CNTLN: variants seen among roughly 807,000 people sequenced by gnomAD.
The protein encoded by CNTLN is centlein, also known as centlein, centrosomal protein.
A neutral mutation model predicts 180.0 loss-of-function variants in CNTLN; 212 were observed. The ratio of observed to expected loss-of-function variants is 1.18; its 90% confidence interval spans 1.05 to 1.32. The LOEUF (loss-of-function observed/expected upper bound fraction) is 1.32, where lower values mean the gene tolerates loss of function less well. CNTLN is among the 40% of genes most tolerant of loss of function. The probability of loss-of-function intolerance (pLI) is 0.00; values close to 1 mark genes in which losing one functional copy is unlikely to be tolerated. For synonymous variants in CNTLN, 722 were observed against 563.1 expected (o/e 1.28, Z -3.99); for missense variants, 2,095 against 1,610.9 (o/e 1.30, Z -5.14).
chr9:17,519,470 G>A, the CNTLN span, among the ~76,000 whole-genome samples: 7 of 152,202 alleles, frequency 4.6e-5, no homozygotes, highest in East Asian at 1.2e-3. Context: ...CTCACTTACT[G>A]TATATTAAAT....
intron 6 of CNTLN, among the ~76,000 whole-genome samples, chr9:17,296,741 T>G (rs1445722350): frequency 1.3e-5 from 2 of 152,200 alleles, no homozygotes; most frequent in African/African-American, 2.4e-5. Context: ...CGTTTTTGAC[T>G]GCTATTTTCT....
chr9:17,459,069 T>G (rs1247965985), intron 19 of CNTLN, among the ~76,000 whole-genome samples: 2 of 151,858 alleles, frequency 1.3e-5, no homozygotes, highest in Non-Finnish European at 2.9e-5. Context: ...TATAACTTTG[T>G]TTTTCACCAA....
chr9:17,251,666 A>T (rs1281182974), intron 5 of CNTLN, among the ~76,000 whole-genome samples: 1 of 151,782 alleles, frequency 6.6e-6, no homozygotes, highest in Non-Finnish European at 1.5e-5. Context: ...TGTTACATGC[A>T]TATAATTTGT....
intron 2 of CNTLN, among the ~76,000 whole-genome samples, chr9:17,155,951 C>CT (rs1314059127): frequency 6.6e-6 from 1 of 152,140 alleles, no homozygotes; most frequent in Non-Finnish European, 1.5e-5. Flanking sequence ...GTTCCTCAGA[C>CT]TCAGTCCTTC....
At chr9:17,207,628 C>T (rs190400349) in intron 2 of CNTLN, among the ~76,000 whole-genome samples, 240 of 152,230 alleles carry the variant, frequency 1.6e-3, no homozygotes, top group Admixed American at 0.013. Flanking sequence ...CTGGGTGAAA[C>T]GGTACCCCAC....
chr9:17,234,497 A>G lies in CNTLN; in HGVS notation c.535-1161A>G, dbSNP rs191142297. On this transcript the variant is annotated intron_variant, in intron 3 of 25. Coordinates refer to ENST00000380647, the MANE Select transcript of CNTLN (RefSeq NM_017738.4). Reference sequence around the variant, plus strand: ...AGAATATTGGATATATTTTCACTTTATTCCTAAAATCCACTTTTCATCATA... The same window carrying G: ...AGAATATTGGATATATTTTCACTTTGTTCCTAAAATCCACTTTTCATCATA... 5.0e-3 allele frequency among the ~76,000 whole-genome samples: 766 copies of G among 152,258 alleles called. 5 individuals are homozygous for G. Among genetic ancestry groups the G allele is most frequent in the Admixed American group, 7.9e-3 (121 of 15,272 alleles).
At chr9:17,383,047 G>T (rs943960790) in intron 13 of CNTLN, among the ~76,000 whole-genome samples, 2 of 151,690 alleles carry the variant, frequency 1.3e-5, no homozygotes, top group African/African-American at 4.8e-5. Flanking sequence ...ATAGAACTGA[G>T]GTGTGACCTC....
chr9:17,527,523 C>T, the CNTLN span, among the ~76,000 whole-genome samples: 3 of 152,112 alleles, frequency 2.0e-5, no homozygotes, highest in Non-Finnish European at 2.9e-5. Flanking sequence ...GAATTCAGTA[C>T]ATTGATGGCA....
intron 6 of CNTLN, among the ~76,000 whole-genome samples, chr9:17,284,123 G>A (rs1828831388): frequency 6.6e-6 from 1 of 152,120 alleles, no homozygotes; most frequent in South Asian, 2.1e-4. Flanking sequence ...ACAGATTCAA[G>A]CACTTCTCCT....
At chr9:17,184,327 C>T (rs1821303286) in intron 2 of CNTLN, among the ~76,000 whole-genome samples, 1 of 152,074 alleles carries the variant, frequency 6.6e-6, no homozygotes, top group Non-Finnish European at 1.5e-5. Flanking sequence ...TAACAGAGCA[C>T]ATTTTTGTAG....
chr9:17,415,824 T>TTTCAAAAGAAGAATTGCAAGA lies in CNTLN; in HGVS notation c.2835_2855dup (p.Lys951_Met952insIleGlnLysLysAsnCysLys). 6.2e-7 allele frequency: 1 copy of TTTCAAAAGAAGAATTGCAAGA among 1,612,604 alleles called. No homozygotes were observed. The highest frequency in any genetic ancestry group is 8.5e-7 in the Non-Finnish European group (1 of 1,179,296). On this transcript the variant is annotated inframe_insertion, in exon 17 of 26. Coordinates refer to ENST00000380647, the MANE Select transcript of CNTLN (RefSeq NM_017738.4). ...TGATAAGAATGCCAAAAAACCAACT[T>TTTCAAAAGAAGAATTGCAAGA]TTCAAAAGAAGAATTGCAAGATGCA...
chr9:17,391,090 C>G (rs939289301), intron 14 of CNTLN, among the ~76,000 whole-genome samples: 1 of 152,102 alleles, frequency 6.6e-6, no homozygotes, highest in East Asian at 1.9e-4. Flanking sequence ...AGAAAACTGT[C>G]TATTTATGTG....
At chr9:17,476,591 G>A (rs977260455) in intron 23 of CNTLN, among the ~76,000 whole-genome samples, 1 of 152,194 alleles carries the variant, frequency 6.6e-6, no homozygotes, top group African/African-American at 2.4e-5. Flanking sequence ...CAGCCTTATT[G>A]CTGATACACA....
chr9:17,295,783 T>C (rs1817857620), intron 6 of CNTLN, among the ~76,000 whole-genome samples: 1 of 152,186 alleles, frequency 6.6e-6, no homozygotes, highest in East Asian at 1.9e-4. Context: ...ACTTGTACTT[T>C]CCCGAGGGTT....
intron 18 of CNTLN, among the ~76,000 whole-genome samples, chr9:17,455,134 C>T (rs544372839): frequency 3.3e-5 from 5 of 152,116 alleles, no homozygotes; most frequent in Non-Finnish European, 4.4e-5. Context: ...TTTTTTAAAC[C>T]GACAGAAGTT....
At chr9:17,358,585 A>G (rs1231775547) in intron 12 of CNTLN, among the ~76,000 whole-genome samples, 1 of 152,174 alleles carries the variant, frequency 6.6e-6, no homozygotes, top group East Asian at 1.9e-4. Context: ...AATATGGCAT[A>G]ATGTGAATAT....
At chr9:17,511,033 G>C in the CNTLN span, among the ~76,000 whole-genome samples, 1 of 152,128 alleles carries the variant, frequency 6.6e-6, no homozygotes, top group Non-Finnish European at 1.5e-5. Context: ...TCTTCTCCAG[G>C]ACTTGGTACT....
downstream of CNTLN, among the ~76,000 whole-genome samples, chr9:17,504,745 A>G (rs899988283): frequency 6.6e-6 from 1 of 152,176 alleles, no homozygotes; most frequent in African/African-American, 2.4e-5. Context: ...GGAAACGGCC[A>G]TGAGCCAAAG....
chr9:17,174,284 G>C (rs1200067099), intron 2 of CNTLN, among the ~76,000 whole-genome samples: 2 of 152,124 alleles, frequency 1.3e-5, no homozygotes, highest in South Asian at 2.1e-4. Flanking sequence ...TTATGAATTA[G>C]TTGCTATGAA....
Sources: allele counts gnomAD v4.1 joint callset (sites outside exome capture counted in the v4.1 genomes callset), GRCh38; gene constraint gnomAD v4.1.1; transcripts MANE v1.5; gene names NCBI Gene and HGNC (gene_info 2026-07-23, HGNC 2026-07-21).